Variants in INPP4B observed in about 807,000 individuals in gnomAD.
INPP4B encodes the protein inositol polyphosphate-4-phosphatase type II B, also known as inositol polyphosphate 4-phosphatase type II.
INPP4B carries 55 observed loss-of-function variants against 122.5 expected under a neutral mutation model. That is an observed-to-expected ratio of 0.45 (90% CI 0.36 to 0.56). The LOEUF (loss-of-function observed/expected upper bound fraction) is 0.56, where lower values mean the gene tolerates loss of function less well. Among genes scored for constraint, INPP4B ranks in the 20% least tolerant of loss-of-function variants. INPP4B has a pLI of 0.00. For synonymous variants in INPP4B, 403 were observed against 388.7 expected, an observed-to-expected ratio of 1.04 and a Z score of -0.43; for missense variants, 1,000 against 1,097.7, an observed-to-expected ratio of 0.91 and a Z score of 1.26.
chr4:142,410,652 G>A (rs1804413431), intron 5 of INPP4B, among the ~76,000 whole-genome samples: 1 of 152,112 alleles, frequency 6.6e-6, no homozygotes, highest in African/African-American at 2.4e-5. Context: ...ATTTGAGAGA[G>A]CTATATATGA....
At chr4:142,320,991 G>A (rs905802863) in intron 7 of INPP4B, among the ~76,000 whole-genome samples, 2 of 152,248 alleles carry the variant, frequency 1.3e-5, no homozygotes, top group Middle Eastern at 3.4e-3. Flanking sequence ...CCAGTCGTGG[G>A]ATTGCTGGAT....
intron 2 of INPP4B, among the ~76,000 whole-genome samples, chr4:142,526,288 T>C (rs1826904295): frequency 6.6e-6 from 1 of 152,082 alleles, no homozygotes; most frequent in Non-Finnish European, 1.5e-5. Context: ...GGTGTAAAAG[T>C]GCACAAAGAG....
At chr4:142,493,309 C>T (rs1822114937) in intron 2 of INPP4B, among the ~76,000 whole-genome samples, 1 of 152,154 alleles carries the variant, frequency 6.6e-6, no homozygotes, top group African/African-American at 2.4e-5. Context: ...ACATACAGTC[C>T]CCACTGCAGC....
intron 25 of INPP4B, among the ~76,000 whole-genome samples, chr4:142,077,582 T>C (rs773493115): frequency 2.6e-5 from 4 of 152,022 alleles, no homozygotes; most frequent in South Asian, 2.1e-4. Context: ...AGTCTGAAAG[T>C]TCCTACTAAA....
chr4:142,232,669 A>G (rs1854909932), intron 12 of INPP4B, among the ~76,000 whole-genome samples: 1 of 152,040 alleles, frequency 6.6e-6, no homozygotes, highest in Admixed American at 6.6e-5. Flanking sequence ...ATCAAAAGCT[A>G]GAAATGATTA....
intron 16 of INPP4B, among the ~76,000 whole-genome samples, chr4:142,171,333 G>T (rs553037765): frequency 6.6e-6 from 1 of 151,734 alleles, no homozygotes; most frequent in Non-Finnish European, 1.5e-5. Flanking sequence ...ATATGGATTA[G>T]TCCCTAAGAA....
rs572840064 is a variant in INPP4B, at chr4:142,686,680, A to C, written c.-191+39159T>G. Among the ~76,000 whole-genome samples the C allele has an allele frequency of 1.0e-3, 153 of 152,196 alleles. 3 individuals are homozygous for C. The South Asian group carries it at 0.031, about 31-fold the overall frequency. ...ATACTGTAGAGCTTCTACAGTACAA[A>C]ATGCATTTCATAGATCAGATAGCAT... On this transcript the variant is annotated intron_variant, in intron 2 of 25. Transcript: ENST00000262992.
At chr4:142,617,646 C>T (rs941764395) in intron 2 of INPP4B, among the ~76,000 whole-genome samples, 3 of 152,092 alleles carry the variant, frequency 2.0e-5, no homozygotes, top group African/African-American at 7.2e-5. Context: ...CTGGCATTAT[C>T]CTAGGCACTG....
chr4:142,266,332 C>T (rs535408267), intron 10 of INPP4B, among the ~76,000 whole-genome samples: 1 of 151,896 alleles, frequency 6.6e-6, no homozygotes, highest in Non-Finnish European at 1.5e-5. Context: ...AAACCTTGGG[C>T]CTTCTTAAAA....
intron 2 of INPP4B, among the ~76,000 whole-genome samples, chr4:142,679,991 C>G (rs750594837): frequency 6.6e-6 from 1 of 151,718 alleles, no homozygotes; most frequent in Non-Finnish European, 1.5e-5. Flanking sequence ...TAGTGAAGAC[C>G]TGGCTTCTCT....
chr4:142,314,369 C>T (rs1334489543), intron 8 of INPP4B, among the ~76,000 whole-genome samples: 1 of 152,088 alleles, frequency 6.6e-6, no homozygotes, highest in Non-Finnish European at 1.5e-5. Flanking sequence ...TCTCTTCCTC[C>T]TTCCTGAAGC....
At chr4:142,213,558 A>G (rs1269451519) in intron 12 of INPP4B, among the ~76,000 whole-genome samples, 1 of 152,130 alleles carries the variant, frequency 6.6e-6, no homozygotes, top group African/African-American at 2.4e-5. Context: ...CTGGTAGTAG[A>G]AAGCTTCCTC....
chr4:142,265,861 G>T (rs1742492321), intron 10 of INPP4B, among the ~76,000 whole-genome samples: 1 of 152,120 alleles, frequency 6.6e-6, no homozygotes, highest in East Asian at 1.9e-4. Context: ...GATTTGGGTG[G>T]GGGCATATCT....
intron 2 of INPP4B, among the ~76,000 whole-genome samples, chr4:142,628,111 C>A (rs573291380): frequency 1.3e-5 from 2 of 151,348 alleles, no homozygotes; most frequent in African/African-American, 4.9e-5. Context: ...CACATGCACA[C>A]GTATGTTTAT....
At chr4:142,133,447 C>G (rs2152798929) in intron 18 of INPP4B, among the ~76,000 whole-genome samples, 1 of 152,286 alleles carries the variant, frequency 6.6e-6, no homozygotes, top group East Asian at 1.9e-4. Context: ...GCTCATCATG[C>G]CTCACCTTGA....
At chr4:142,589,169 T>G (rs1362452320) in intron 2 of INPP4B, among the ~76,000 whole-genome samples, 1 of 151,914 alleles carries the variant, frequency 6.6e-6, no homozygotes, top group Non-Finnish European at 1.5e-5. Context: ...GCACAAGGCT[T>G]CCATAACAAA....
At chr4:142,683,725 C>G (rs1758960566) in intron 2 of INPP4B, among the ~76,000 whole-genome samples, 1 of 151,770 alleles carries the variant, frequency 6.6e-6, no homozygotes, top group Non-Finnish European at 1.5e-5. Flanking sequence ...AATCTCTAGG[C>G]TAGAAAGATC....
At chr4:142,822,023 A>G (rs1260594020) in intron 1 of INPP4B, among the ~76,000 whole-genome samples, 1 of 152,180 alleles carries the variant, frequency 6.6e-6, no homozygotes, top group Non-Finnish European at 1.5e-5. Flanking sequence ...ATTCCCACAT[A>G]TGGAAGAAGT....
intron 1 of INPP4B, among the ~76,000 whole-genome samples, chr4:142,748,171 G>C (rs1199996444): frequency 6.6e-6 from 1 of 151,924 alleles, no homozygotes; most frequent in East Asian, 1.9e-4. Context: ...ATAGACCAAA[G>C]AGAAATCACA....
Sources: gnomAD v4.1 joint callset for allele counts (sites outside exome capture counted in the v4.1 genomes callset) on GRCh38, gnomAD v4.1.1 for gene constraint, MANE v1.5 for transcripts, NCBI Gene and HGNC (gene_info 2026-07-23, HGNC 2026-07-21) for gene names.